ITPR1: variants seen among roughly 807,000 people sequenced by gnomAD.
ITPR1 encodes inositol 1,4,5-trisphosphate-gated calcium channel ITPR1.
In ITPR1, 96 loss-of-function variants were observed where a neutral mutation model predicts 318.4. That is an observed-to-expected ratio of 0.30 (90% CI 0.26 to 0.36). ITPR1 has a LOEUF of 0.36. ITPR1 is among the 10% of genes least tolerant of loss of function. The pLI is 1.00. For synonymous variants in ITPR1, 1,312 were observed against 1,289.9 expected, an observed-to-expected ratio of 1.02 and a Z score of -0.37; for missense variants, 2,440 against 3,460.2, an observed-to-expected ratio of 0.71 and a Z score of 7.40.
chr3:4,757,021 TG>T (rs2045050705), intron 44 of ITPR1, among the ~76,000 whole-genome samples: 1 of 152,240 alleles, frequency 6.6e-6, no homozygotes, highest in African/African-American at 2.4e-5. Flanking sequence ...ACATGGCAGG[TG>T]GTAAGACCCT....
At chr3:4,652,386 C>T (rs917797864) in intron 11 of ITPR1, among the ~76,000 whole-genome samples, 168 bp downstream of exon 11, 10 of 152,152 alleles carry the variant, frequency 6.6e-5, no homozygotes, top group Non-Finnish European at 1.5e-4. Flanking sequence ...CTAGAAGACT[C>T]AAAAATGATT....
chr3:4,607,997 G>C (rs868548990), intron 4 of ITPR1, among the ~76,000 whole-genome samples: 7 of 152,166 alleles, frequency 4.6e-5, no homozygotes, highest in African/African-American at 1.4e-4. Flanking sequence ...CTTTACAAAG[G>C]GTTGAGTTTT....
chr3:4,834,106 C>A (rs1226617227), intron 60 of ITPR1, among the ~76,000 whole-genome samples: 1 of 151,986 alleles, frequency 6.6e-6, no homozygotes, highest in Non-Finnish European at 1.5e-5. Flanking sequence ...TTGCCCAGGC[C>A]AGTCTCAAAC....
At chr3:4,684,959 T>C in intron 29 of ITPR1, 110 bp from the exon 30 acceptor site, 1 of 1,094,524 alleles carries the variant, frequency 9.1e-7, no homozygotes. Flanking sequence ...TTGTTTTACG[T>C]TTTTAATGCA....
At chr3:4,699,980 C>T (rs771029723) in intron 35 of ITPR1, 39 bp downstream of exon 35, 9 of 1,588,022 alleles carry the variant, frequency 5.7e-6, no homozygotes, top group African/African-American at 1.3e-5. Flanking sequence ...GTTCACGATA[C>T]ACCTTCTGCA....
At chr3:4,711,979 T>C in intron 39 of ITPR1, 111 bp downstream of exon 39, 1 of 528,138 alleles carries the variant, frequency 1.9e-6, no homozygotes, top group Non-Finnish European at 3.4e-6. Context: ...GCTAGCTTTT[T>C]TTAAAAGAAA....
intron 4 of ITPR1, among the ~76,000 whole-genome samples, chr3:4,615,301 G>C (rs534750151): frequency 7.2e-5 from 11 of 152,030 alleles, no homozygotes; most frequent in Non-Finnish European, 1.5e-4. Context: ...CGGGCTACTG[G>C]TTGGAAGGAA....
intron 42 of ITPR1, among the ~76,000 whole-genome samples, chr3:4,730,248 C>G (rs1042148075): frequency 3.6e-5 from 5 of 137,292 alleles, no homozygotes; most frequent in African/African-American, 1.1e-4. Flanking sequence ...AAACCTTGCT[C>G]TCTGGTTTTT....
rs554956994 is a variant in ITPR1 at position 4,549,602 on chromosome 3, T to A, written c.163+28508T>A. Among the ~76,000 whole-genome samples, 5 of 152,120 alleles carry A rather than the reference T, an allele frequency of 3.3e-5. No individual in the cohort carries two copies. The South Asian group carries it at 1.0e-3, about 32-fold the overall frequency. On this transcript the variant is annotated intron_variant, in intron 4 of 61. Transcript: ENST00000649015. ...GAACATTTTGGTATCTCTGACCAGA[T>A]GAATTTTTTCCCAAGTGCCTTAGGT...
In ITPR1 at chr3:4,645,455, C is replaced by T. The variant is rs545754582; in HGVS notation, c.693C>T (p.Asp231=). ...VLFMKWSDNK[D]DILKGGDVVR... The stretch of plus-strand genomic sequence containing the variant: ...TCATGAAATGGAGTGATAACAAAGA[C>T]GACATATTAAAGGGGGTGAGTTTGA... The change falls in exon 9 of 62, where the codon GAC becomes GAT. Residue 231 remains aspartate (D), a synonymous_variant. Coordinates refer to ENST00000649015, the MANE Select transcript of ITPR1 (RefSeq NM_001378452.1). The T allele has an allele frequency of 5.4e-5, 87 of 1,612,492 alleles. 2 individuals carry two copies. Among genetic ancestry groups the T allele is most frequent in the Middle Eastern group, 3.3e-4 (2 of 6,058 alleles).
intron 40 of ITPR1, among the ~76,000 whole-genome samples, chr3:4,721,323 G>A (rs1306886681): frequency 6.6e-6 from 1 of 151,764 alleles, no homozygotes; most frequent in Non-Finnish European, 1.5e-5. Flanking sequence ...TAAACTGTAG[G>A]TGAAACCACA....
At chr3:4,609,443 C>T (rs1211337179) in intron 4 of ITPR1, among the ~76,000 whole-genome samples, 9 of 152,042 alleles carry the variant, frequency 5.9e-5, no homozygotes, top group Non-Finnish European at 8.8e-5. Context: ...AGTCCTGATT[C>T]GTCTAATTAG....
intron 13 of ITPR1, among the ~76,000 whole-genome samples, chr3:4,660,686 A>T (rs1034037864): frequency 7.2e-5 from 11 of 152,140 alleles, no homozygotes; most frequent in African/African-American, 2.7e-4. Context: ...ACCCGTAAAT[A>T]CTTCCTGTTG....
At chr3:4,578,974 A>G (rs1465776872) in intron 4 of ITPR1, among the ~76,000 whole-genome samples, 2 of 152,198 alleles carry the variant, frequency 1.3e-5, no homozygotes, top group Non-Finnish European at 2.9e-5. Context: ...AATACTGAGT[A>G]GAACAAAAAT....
intron 55 of ITPR1, among the ~76,000 whole-genome samples, chr3:4,808,435 T>C (rs1353973460): frequency 6.6e-6 from 1 of 152,238 alleles, no homozygotes; most frequent in African/African-American, 2.4e-5. Context: ...TTTGCATCTG[T>C]GCTTTCAAGT....
chr3:4,659,164 C>T (rs191105496), intron 13 of ITPR1, among the ~76,000 whole-genome samples: 4 of 152,274 alleles, frequency 2.6e-5, no homozygotes, highest in Admixed American at 1.3e-4. Context: ...ATGGATTACA[C>T]GTATGGCCCC....
At chr3:4,610,797 C>A (rs1265057382) in intron 4 of ITPR1, among the ~76,000 whole-genome samples, 1 of 152,110 alleles carries the variant, frequency 6.6e-6, no homozygotes, top group East Asian at 1.9e-4. Flanking sequence ...CCAGAACATA[C>A]TGGTTTTCAG....
At chr3:4,611,419 G>T (rs1289798922) in intron 4 of ITPR1, among the ~76,000 whole-genome samples, 2 of 151,696 alleles carry the variant, frequency 1.3e-5, no homozygotes, top group Non-Finnish European at 2.9e-5. Context: ...ATTTAGCTGG[G>T]CATGGTGGCA....
intron 44 of ITPR1, among the ~76,000 whole-genome samples, chr3:4,747,175 A>G (rs897283090): frequency 6.6e-6 from 1 of 152,210 alleles, no homozygotes; most frequent in Non-Finnish European, 1.5e-5. Flanking sequence ...CTTTGTAATA[A>G]TGATGGACAG....
Sources: gnomAD v4.1 joint callset for allele counts (sites outside exome capture counted in the v4.1 genomes callset) on GRCh38, gnomAD v4.1.1 for gene constraint, MANE v1.5 for transcripts, NCBI Gene and HGNC (gene_info 2026-07-23, HGNC 2026-07-21) for gene names.